Variants in EFNA2 observed in about 807,000 individuals in gnomAD.
The protein encoded by EFNA2 is ephrin A2, also known as ephrin-A2.
A neutral mutation model predicts 19.7 loss-of-function variants in EFNA2; 18 were observed. That is an observed-to-expected ratio of 0.91 (90% CI 0.63 to 1.35). The LOEUF is 1.35. EFNA2 is among the 40% of genes most tolerant of loss of function. The probability of loss-of-function intolerance (pLI) is 0.00; values close to 1 mark genes in which losing one functional copy is unlikely to be tolerated. For missense variants in EFNA2, 303 were observed against 296.0 expected (o/e 1.02, Z -0.17); for synonymous variants, 187 against 137.8 (o/e 1.36, Z -2.50).
chr19:1,287,870 C>G lies in EFNA2; in HGVS notation c.140+1562C>G, dbSNP rs565340851. Reference sequence around the variant, plus strand: ...TTTGTTCTAGCAAACGCCAAACACACGAGGACCCGGCAACCGGGGGAGGAA... The same window carrying G: ...TTTGTTCTAGCAAACGCCAAACACAGGAGGACCCGGCAACCGGGGGAGGAA... On this transcript the variant is annotated intron_variant, in intron 1 of 3. Coordinates refer to ENST00000215368, the MANE Select transcript of EFNA2 (RefSeq NM_001405.4). The surrounding 1 kb of genome is among the most constrained non-coding windows in gnomAD (Gnocchi z 6.2). 2.0e-5 allele frequency among the ~76,000 whole-genome samples: 3 copies of G among 152,252 alleles called. No individual in the cohort carries two copies. Among genetic ancestry groups the G allele is most frequent in the Non-Finnish European group, 4.4e-5 (3 of 68,036 alleles).
At position 1,299,195 on chromosome 19, in the gene EFNA2, G is replaced by A. The variant is rs995844678; in HGVS notation, c.520+579G>A. Among the ~76,000 whole-genome samples the A allele has an allele frequency of 5.3e-5, 8 of 152,134 alleles. No homozygotes were observed. In the South Asian group the frequency reaches 6.2e-4, roughly 12 times the overall value. ...GGAGGTTGCAGTGAGCCCAGATTGC[G>A]CCACTGCTCTCCAGTCTGGGTGATA... On this transcript the variant is annotated intron_variant, in intron 3 of 3. Transcript: ENST00000215368.
chr19:1,299,298 C>T (rs1243772814), intron 3 of EFNA2, among the ~76,000 whole-genome samples: 1 of 152,056 alleles, frequency 6.6e-6, no homozygotes, highest in Non-Finnish European at 1.5e-5. Flanking sequence ...GTGGCTCACA[C>T]CTGTAATCCC....
At chr19:1,298,287 G>A (rs1224180734) in intron 2 of EFNA2, among the ~76,000 whole-genome samples, 9 of 152,058 alleles carry the variant, frequency 5.9e-5, no homozygotes, top group Admixed American at 5.2e-4. Flanking sequence ...GCCCTGGGGT[G>A]AGGCAGAGCA....
Position 1,295,714 on chromosome 19 carries a change from C to G in EFNA2, c.310C>G (p.His104Asp). ...CGGCGAGGGCCACGCCTCCTGCGACCACCGCCAGCGCGGCTTCAAGCGCTG... is the reference window on the plus strand; with the variant it reads ...CGGCGAGGGCCACGCCTCCTGCGACGACCGCCAGCGCGGCTTCAAGCGCTG... The part of the protein sequence containing the change: ...VNGEGHASCD[H>D]RQRGFKRWEC... The change falls in exon 2 of 4, where the codon CAC becomes GAC. Residue 104 changes from histidine (H) to aspartate (D), a missense_variant. Transcript: ENST00000215368. The surrounding 1 kb of genome is among the most constrained non-coding windows in gnomAD (Gnocchi z 5.8). 2 of 1,608,810 alleles carry G rather than the reference C, an allele frequency of 1.2e-6. No homozygotes were observed. The highest frequency in any genetic ancestry group is 1.7e-6 in the Non-Finnish European group (2 of 1,178,024).
chr19:1,286,300 C>A lies in EFNA2; in HGVS notation c.132C>A (p.Ser44Arg). 1 of 1,035,132 alleles carries A rather than the reference C, an allele frequency of 9.7e-7. No individual in the cohort carries two copies. The highest frequency in any genetic ancestry group is 1.2e-6 in the Non-Finnish European group (1 of 860,150). The allele number at this position is 1,035,132 out of a possible 1,614,324, so 64.1% of individuals were successfully genotyped here. Reference sequence around the variant, plus strand: ...GCTACGCCGTCTACTGGAACCGCAGCAACCCCAGGTGAGCGCGGCCGCGCG... The same window carrying A: ...GCTACGCCGTCTACTGGAACCGCAGAAACCCCAGGTGAGCGCGGCCGCGCG... ...SDRYAVYWNR[S>R]NPRFHAGAGD... The change falls in exon 1 of 4, where the codon AGC (serine) becomes AGA (arginine). Residue 44 changes from serine to arginine, a missense_variant. Transcript: ENST00000215368. This position sits in a 1 kb window ranked among gnomAD's most constrained non-coding sequence, Gnocchi z 5.6.
chr19:1,294,063 G>A lies in EFNA2; in HGVS notation c.141-1482G>A, dbSNP rs1242315038. 6.6e-6 allele frequency among the ~76,000 whole-genome samples: 1 copy of A among 152,252 alleles called. No homozygotes were observed. Among genetic ancestry groups the A allele is most frequent in the Non-Finnish European group, 1.5e-5 (1 of 68,032 alleles). On this transcript the variant is annotated intron_variant, in intron 1 of 3. Transcript: ENST00000215368. This position sits in a 1 kb window ranked among gnomAD's most constrained non-coding sequence, Gnocchi z 5.8. ...CGGGCTAGAGGCAGTGCCAGGGCCGGGATCGTAGCAGCCTGCACCCATGTG... is the reference window on the plus strand; with the variant it reads ...CGGGCTAGAGGCAGTGCCAGGGCCGAGATCGTAGCAGCCTGCACCCATGTG...
In EFNA2 at chr19:1,296,913, C is replaced by T. The variant is rs138166661; in HGVS notation, c.454+1055C>T. On this transcript the variant is annotated intron_variant, in intron 2 of 3. Transcript: ENST00000215368. The surrounding 1 kb of genome is among the most constrained non-coding windows in gnomAD (Gnocchi z 4.4). ...GAGGCTGCCAGTCCCTGCTGCTTAT[C>T]GGAGGTCCGAAGCTGGCCTTTTTGT... 2.6e-5 allele frequency among the ~76,000 whole-genome samples: 4 copies of T among 152,334 alleles called. No homozygotes were observed. The highest frequency in any genetic ancestry group is 1.9e-4 in the East Asian group (1 of 5,184).
At position 1,294,027 on chromosome 19, in the gene EFNA2, G is replaced by A. The variant is rs572656585; in HGVS notation, c.141-1518G>A. On this transcript the variant is annotated intron_variant, in intron 1 of 3. Transcript: ENST00000215368. The surrounding 1 kb of genome is among the most constrained non-coding windows in gnomAD (Gnocchi z 5.8). Reference sequence around the variant, plus strand: ...GCTCACCCCTGCAGGCCGGGGTGGCGGTGGCTGTGCCGGGCTAGAGGCAGT... The same window carrying A: ...GCTCACCCCTGCAGGCCGGGGTGGCAGTGGCTGTGCCGGGCTAGAGGCAGT... Among the ~76,000 whole-genome samples the A allele has an allele frequency of 2.6e-5, 4 of 152,350 alleles. No homozygotes were observed. The South Asian group carries it at 8.3e-4, about 32-fold the overall frequency.
Position 1,295,809 on chromosome 19 carries a change from C to T in EFNA2, c.405C>T (p.Pro135=), listed in dbSNP as rs746518130. 14 of 1,607,822 alleles carry T rather than the reference C, an allele frequency of 8.7e-6. No individual in the cohort carries two copies. Among genetic ancestry groups the T allele is most frequent in the African/African-American group, 1.3e-5 (1 of 74,312 alleles). ...CGGAGAAGTTCCAGCTCTTCACGCC[C>T]TTCTCCCTGGGCTTCGAGTTCCGGC... ...KFSEKFQLFT[P]FSLGFEFRPG... is the part of the protein sequence containing the mutation. The change falls in exon 2 of 4, where the codon CCC becomes CCT. Residue 135 remains proline, a synonymous_variant. Transcript: ENST00000215368. This position sits in a 1 kb window ranked among gnomAD's most constrained non-coding sequence, Gnocchi z 5.8.
At chr19:1,291,644 G>C (rs866632189) in intron 1 of EFNA2, among the ~76,000 whole-genome samples, 19 of 152,330 alleles carry the variant, frequency 1.2e-4, no homozygotes, top group South Asian at 4.1e-4. Context: ...GCCCACCCAC[G>C]GGGTCCTGGC....
At chr19:1,289,900 G>C (rs952575506) in intron 1 of EFNA2, among the ~76,000 whole-genome samples, 10 of 152,286 alleles carry the variant, frequency 6.6e-5, no homozygotes, top group Middle Eastern at 3.4e-3. Flanking sequence ...GCTGCATAAG[G>C]GTTTTTTGTT....
At position 1,294,431 on chromosome 19, in the gene EFNA2, T is replaced by G. The variant is rs1340819391; in HGVS notation, c.141-1114T>G. Among the ~76,000 whole-genome samples the G allele has an allele frequency of 6.6e-6, 1 of 152,080 alleles. No homozygotes were observed. Among genetic ancestry groups the G allele is most frequent in the African/African-American group, 2.4e-5 (1 of 41,406 alleles). On this transcript the variant is annotated intron_variant, in intron 1 of 3. Coordinates refer to ENST00000215368, the MANE Select transcript of EFNA2 (RefSeq NM_001405.4). This position sits in a 1 kb window ranked among gnomAD's most constrained non-coding sequence, Gnocchi z 5.8. ...GCCTGTGGGTTGCGTCTGGGGGACC[T>G]CAGGGCAAAGGCCTGGAGGCAGGGC...
chr19:1,297,589 C>A lies in EFNA2; in HGVS notation c.455-962C>A, dbSNP rs899897502. ...GACAGCAAGACCACATCCATGTGTG[C>A]GTGCACATGGACCCACCCCTGTTCG... On this transcript the variant is annotated intron_variant, in intron 2 of 3. Transcript: ENST00000215368. The surrounding 1 kb of genome is among the most constrained non-coding windows in gnomAD (Gnocchi z 5.0). Among the ~76,000 whole-genome samples the A allele has an allele frequency of 6.6e-6, 1 of 152,046 alleles. No individual in the cohort carries two copies. Among genetic ancestry groups the A allele is most frequent in the Non-Finnish European group, 1.5e-5 (1 of 68,010 alleles).
Position 1,295,434 on chromosome 19 carries a change from C to A in EFNA2, c.141-111C>A. Reference sequence around the variant, plus strand: ...CTGACCCCGGCCCTCGCCGCGCACCCCGACCCGTCCCTCGTGCTCCTGTCC... The same window carrying A: ...CTGACCCCGGCCCTCGCCGCGCACCACGACCCGTCCCTCGTGCTCCTGTCC... On this transcript the variant is annotated intron_variant, in intron 1 of 3. Coordinates refer to ENST00000215368, the MANE Select transcript of EFNA2 (RefSeq NM_001405.4). This position sits in a 1 kb window ranked among gnomAD's most constrained non-coding sequence, Gnocchi z 5.8. The A allele has an allele frequency of 8.3e-7, 1 of 1,198,342 alleles. No individual in the cohort carries two copies. The highest frequency in any genetic ancestry group is 1.1e-6 in the Non-Finnish European group (1 of 897,104). 74.2% of individuals were successfully genotyped at this position (1,198,342 alleles called of 1,614,324 possible). A position where few individuals can be genotyped will look rare whatever the true frequency, so the allele number is the denominator to read the frequency against.
At position 1,300,087 on chromosome 19, in the gene EFNA2, GGGCAGGGGCCATCCACCCGCCCCA is replaced by G; in HGVS notation, c.*145_*168del. On this transcript the variant is annotated 3_prime_UTR_variant, in exon 4 of 4. Coordinates refer to ENST00000215368, the MANE Select transcript of EFNA2 (RefSeq NM_001405.4). ...TCCCTCGCCTGGTGCCGCCCCCGCC[GGGCAGGGGCCATCCACCCGCCCCA>G]GGACCAGCCCTCAGGGAGGGGAAAC... is the stretch of plus-strand genomic sequence containing the variant. 8.2e-7 allele frequency: 1 copy of G among 1,223,246 alleles called. No homozygotes were observed. The highest frequency in any genetic ancestry group is 1.1e-6 in the Non-Finnish European group (1 of 917,372). 75.8% of individuals were successfully genotyped at this position (1,223,246 alleles called of 1,614,324 possible).
At position 1,297,558 on chromosome 19, in the gene EFNA2, G is replaced by A. The variant is rs572386926; in HGVS notation, c.455-993G>A. 5.9e-5 allele frequency among the ~76,000 whole-genome samples: 9 copies of A among 152,166 alleles called. No individual in the cohort carries two copies. The East Asian group carries it at 1.4e-3, about 23-fold the overall frequency. Reference sequence around the variant, plus strand: ...CCAGGCCATCAGGGGCCCAGGGCCCGGCAGAGACAGCAAGACCACATCCAT... The same window carrying A: ...CCAGGCCATCAGGGGCCCAGGGCCCAGCAGAGACAGCAAGACCACATCCAT... On this transcript the variant is annotated intron_variant, in intron 2 of 3. Transcript: ENST00000215368. The surrounding 1 kb of genome is among the most constrained non-coding windows in gnomAD (Gnocchi z 5.0).
At chr19:1,298,139 T>C (rs1456637883) in intron 2 of EFNA2, among the ~76,000 whole-genome samples, 5 of 143,498 alleles carry the variant, frequency 3.5e-5, no homozygotes, top group Non-Finnish European at 6.0e-5. Flanking sequence ...CCAGGCGAGG[T>C]CCAGAGAGGG....
intron 1 of EFNA2, among the ~76,000 whole-genome samples, chr19:1,288,917 A>G (rs1010186386): frequency 4.6e-5 from 7 of 152,160 alleles, no homozygotes; most frequent in Admixed American, 3.3e-4. Context: ...GCCGACCCGC[A>G]TCGGGCTGGG....
intron 1 of EFNA2, among the ~76,000 whole-genome samples, chr19:1,290,244 A>G (rs1434719524): frequency 6.6e-6 from 1 of 151,988 alleles, no homozygotes; most frequent in African/African-American, 2.4e-5. Context: ...TGTGGTGGGG[A>G]GGATGCTTCT....
Sources: allele counts gnomAD v4.1 joint callset (sites outside exome capture counted in the v4.1 genomes callset), GRCh38; gene constraint gnomAD v4.1.1; non-coding constraint Gnocchi (gnomAD v3.1); transcripts MANE v1.5; gene names NCBI Gene and HGNC (gene_info 2026-07-23, HGNC 2026-07-21).